ZDHHC14: variants seen among roughly 807,000 people sequenced by gnomAD.
The protein encoded by ZDHHC14 is palmitoyltransferase ZDHHC14.
In ZDHHC14, 16 loss-of-function variants were observed where a neutral mutation model predicts 47.7. That is an observed-to-expected ratio of 0.34 (90% CI 0.23 to 0.51). ZDHHC14 has a LOEUF of 0.51. ZDHHC14 is among the 20% of genes least tolerant of loss of function. The pLI is 0.97. For synonymous variants in ZDHHC14, 293 were observed against 278.9 expected (o/e 1.05, Z -0.50); for missense variants, 515 against 662.5 (o/e 0.78, Z 2.44).
At chr6:157,487,326 T>A (rs111777125) in intron 1 of ZDHHC14, among the ~76,000 whole-genome samples, 1,929 of 152,312 alleles carry the variant, frequency 0.013, 42 homozygotes, top group African/African-American at 0.044. Flanking sequence ...GCTGGGTGAC[T>A]CAGTTCCAGC....
intron 1 of ZDHHC14, among the ~76,000 whole-genome samples, chr6:157,457,242 G>C (rs1333256634): frequency 6.6e-6 from 1 of 151,534 alleles, no homozygotes; most frequent in African/African-American, 2.4e-5. Context: ...GCCACAGACT[G>C]AGATTCTGTG....
chr6:157,471,149 A>C (rs1473505250), intron 1 of ZDHHC14, among the ~76,000 whole-genome samples: 1 of 152,184 alleles, frequency 6.6e-6, no homozygotes, highest in Non-Finnish European at 1.5e-5. Context: ...CCCAGAACCT[A>C]ATTTAAAGCT....
chr6:157,491,952 T>C (rs1268004753), intron 1 of ZDHHC14, among the ~76,000 whole-genome samples: 1 of 152,220 alleles, frequency 6.6e-6, no homozygotes, highest in Non-Finnish European at 1.5e-5. Flanking sequence ...AGAGCTCACC[T>C]GTTGAGTAAC....
At chr6:157,563,292 T>C (rs544858728) in intron 2 of ZDHHC14, among the ~76,000 whole-genome samples, 1 of 152,354 alleles carries the variant, frequency 6.6e-6, no homozygotes, top group South Asian at 2.1e-4. Flanking sequence ...CTGCCCGAGC[T>C]TGGCCTGCCT....
chr6:157,516,831 C>T (rs537463474), intron 1 of ZDHHC14, among the ~76,000 whole-genome samples: 113 of 152,308 alleles, frequency 7.4e-4, no homozygotes, highest in South Asian at 2.9e-3. Context: ...GTGCCAAAAA[C>T]CACACCAGGT....
chr6:157,395,935 T>G (rs758831178), intron 1 of ZDHHC14, among the ~76,000 whole-genome samples: 15 of 152,138 alleles, frequency 9.9e-5, no homozygotes, highest in Admixed American at 8.5e-4. Context: ...TTCTCATAAT[T>G]TATTAAGAGC....
chr6:157,544,018 T>A (rs1781868188), intron 2 of ZDHHC14, among the ~76,000 whole-genome samples: 1 of 152,244 alleles, frequency 6.6e-6, no homozygotes. Context: ...ACACCCATTT[T>A]ACAGATAAGG....
chr6:157,398,851 G>A (rs1325006984), intron 1 of ZDHHC14, among the ~76,000 whole-genome samples: 1 of 152,246 alleles, frequency 6.6e-6, no homozygotes, highest in African/African-American at 2.4e-5. Context: ...ACCAGTACAA[G>A]AGAAGAGGAA....
At chr6:157,651,261 C>T (rs1777822612) in intron 7 of ZDHHC14, among the ~76,000 whole-genome samples, 1 of 152,258 alleles carries the variant, frequency 6.6e-6, no homozygotes, top group Admixed American at 6.5e-5. Context: ...CTTCCTGGCA[C>T]CTGGTGGGGC....
At chr6:157,436,434 C>T (rs898879808) in intron 1 of ZDHHC14, among the ~76,000 whole-genome samples, 14 of 151,992 alleles carry the variant, frequency 9.2e-5, no homozygotes, top group Non-Finnish European at 1.3e-4. Flanking sequence ...GGAAGCGATA[C>T]GATTGGGTCT....
chr6:157,664,847 A>G (rs561770573), intron 8 of ZDHHC14, among the ~76,000 whole-genome samples: 1 of 152,172 alleles, frequency 6.6e-6, no homozygotes, highest in Non-Finnish European at 1.5e-5. Flanking sequence ...TGCCCAGCGC[A>G]ACCCTTGCCT....
intron 7 of ZDHHC14, among the ~76,000 whole-genome samples, chr6:157,651,710 A>G (rs1302985814): frequency 2.0e-5 from 3 of 152,158 alleles, no homozygotes; most frequent in African/African-American, 7.2e-5. Flanking sequence ...CTGGGGTTAC[A>G]GGCATGTGCC....
At chr6:157,625,682 A>G (rs1382822008) in intron 3 of ZDHHC14, among the ~76,000 whole-genome samples, 1 of 151,830 alleles carries the variant, frequency 6.6e-6, no homozygotes, top group Non-Finnish European at 1.5e-5. Context: ...GACTCCCCGG[A>G]GGCACCCGCC....
chr6:157,564,360 G>A (rs1455364512), intron 2 of ZDHHC14, among the ~76,000 whole-genome samples: 1 of 152,158 alleles, frequency 6.6e-6, no homozygotes, highest in Non-Finnish European at 1.5e-5. Flanking sequence ...GGGTTGGGGG[G>A]AAGAACATAT....
At chr6:157,657,236 G>A (rs1778143329) in intron 8 of ZDHHC14, among the ~76,000 whole-genome samples, 1 of 151,918 alleles carries the variant, frequency 6.6e-6, no homozygotes, top group Admixed American at 6.6e-5. Flanking sequence ...TTTTTGTAGA[G>A]ACAGTTTTGC....
chr6:157,399,812 A>G (rs112617376), intron 1 of ZDHHC14, among the ~76,000 whole-genome samples: 1,704 of 152,298 alleles, frequency 0.011, 36 homozygotes, highest in African/African-American at 0.04. Context: ...GATGCCCCAC[A>G]TGGCACTTTC....
At chr6:157,650,912 C>T (rs1777802806) in intron 7 of ZDHHC14, among the ~76,000 whole-genome samples, 1 of 152,144 alleles carries the variant, frequency 6.6e-6, no homozygotes, top group South Asian at 2.1e-4. Context: ...TGGTCCCCCA[C>T]CAATGCTCTA....
chr6:157,451,884 G>T (rs904885841), intron 1 of ZDHHC14, among the ~76,000 whole-genome samples: 1 of 152,168 alleles, frequency 6.6e-6, no homozygotes, highest in Non-Finnish European at 1.5e-5. Flanking sequence ...AATGGAAGGT[G>T]GCATATATTT....
At chr6:157,411,397 C>T (rs934064537) in intron 1 of ZDHHC14, among the ~76,000 whole-genome samples, 4 of 151,944 alleles carry the variant, frequency 2.6e-5, no homozygotes, top group Non-Finnish European at 5.9e-5. Flanking sequence ...AAATGCATCT[C>T]GATAAATCTG....
Sources: gnomAD v4.1 joint callset for allele counts (sites outside exome capture counted in the v4.1 genomes callset) on GRCh38, gnomAD v4.1.1 for gene constraint, MANE v1.5 for transcripts, NCBI Gene and HGNC (gene_info 2026-07-23, HGNC 2026-07-21) for gene names.